Variants in WARS2 observed in about 807,000 individuals in gnomAD.
WARS2 encodes the protein tryptophan--tRNA ligase, mitochondrial.
In WARS2, 28 loss-of-function variants were observed where a neutral mutation model predicts 36.5. The ratio of observed to expected loss-of-function variants is 0.77; its 90% confidence interval spans 0.57 to 1.05. The LOEUF (loss-of-function observed/expected upper bound fraction) is 1.05. Among genes scored for constraint, WARS2 ranks in the 50% least tolerant of loss-of-function variants. The probability of loss-of-function intolerance (pLI) is 0.00; values close to 1 mark genes in which losing one functional copy is unlikely to be tolerated. For missense variants in WARS2, 435 were observed against 456.8 expected, an observed-to-expected ratio of 0.95 and a Z score of 0.44; for synonymous variants, 174 against 178.4, an observed-to-expected ratio of 0.98 and a Z score of 0.20.
intron 1 of WARS2, among the ~76,000 whole-genome samples, chr1:119,086,935 A>G (rs1165278049): frequency 6.6e-6 from 1 of 151,472 alleles, no homozygotes; most frequent in Non-Finnish European, 1.5e-5. Context: ...ATGCCCTTTC[A>G]CCTCTTTTCT....
chr1:119,124,190 A>G (rs981157965), intron 1 of WARS2, among the ~76,000 whole-genome samples: 20 of 152,120 alleles, frequency 1.3e-4, no homozygotes, highest in Admixed American at 1.2e-3. Context: ...TATTTGCTCT[A>G]CCTTTAAAAT....
chr1:119,065,873 G>A (rs919563127), intron 2 of WARS2, among the ~76,000 whole-genome samples: 1 of 152,114 alleles, frequency 6.6e-6, no homozygotes, highest in Non-Finnish European at 1.5e-5. Context: ...GCGTTAGACA[G>A]CTTCCAATAT....
intron 1 of WARS2, among the ~76,000 whole-genome samples, chr1:119,106,808 G>A (rs1347398436): frequency 2.0e-5 from 3 of 152,180 alleles, no homozygotes; most frequent in Non-Finnish European, 4.4e-5. Flanking sequence ...GTTTTCAATT[G>A]ATTTTGGTGA....
chr1:119,113,629 A>T (rs2101510480), intron 1 of WARS2, among the ~76,000 whole-genome samples: 1 of 152,244 alleles, frequency 6.6e-6, no homozygotes, highest in South Asian at 2.1e-4. Context: ...GAAGATAAGG[A>T]GGTCACCATC....
intron 1 of WARS2, among the ~76,000 whole-genome samples, chr1:119,129,571 G>A (rs1026514893): frequency 3.9e-5 from 6 of 152,160 alleles, no homozygotes; most frequent in Admixed American, 2.6e-4. Flanking sequence ...TCAGCCAAAT[G>A]TGGTGGTTTG....
At chr1:119,135,973 T>C (rs1571413851) in intron 1 of WARS2, among the ~76,000 whole-genome samples, 1 of 152,204 alleles carries the variant, frequency 6.6e-6, no homozygotes. Flanking sequence ...GGTCTCACTA[T>C]GTTGCCCAGG....
intron 1 of WARS2, among the ~76,000 whole-genome samples, chr1:119,134,939 G>C (rs1656381884): frequency 1.3e-5 from 2 of 152,180 alleles, no homozygotes; most frequent in African/African-American, 4.8e-5. Context: ...TTACAACAGT[G>C]ACAGACTGAA....
At chr1:119,103,702 A>G (rs941878705) in intron 1 of WARS2, among the ~76,000 whole-genome samples, 1 of 151,848 alleles carries the variant, frequency 6.6e-6, no homozygotes, top group African/African-American at 2.4e-5. Flanking sequence ...AAGGTAAAAA[A>G]TTTGTTCTTC....
chr1:119,053,153 C>T (rs1649505611), intron 2 of WARS2, among the ~76,000 whole-genome samples: 1 of 152,144 alleles, frequency 6.6e-6, no homozygotes, highest in Non-Finnish European at 1.5e-5. Context: ...TGGACTCTTT[C>T]TGTTCCACCC....
At chr1:119,120,721 G>T (rs1413796385) in intron 1 of WARS2, among the ~76,000 whole-genome samples, 1 of 152,116 alleles carries the variant, frequency 6.6e-6, no homozygotes, top group African/African-American at 2.4e-5. Flanking sequence ...TACCAGGGAT[G>T]CAGGGTTGGT....
At chr1:119,088,417 C>A (rs931490812) in intron 1 of WARS2, among the ~76,000 whole-genome samples, 7 of 148,034 alleles carry the variant, frequency 4.7e-5, no homozygotes, top group Middle Eastern at 3.4e-3. Flanking sequence ...AAGCTGCCAA[C>A]CTGCTAGGAA....
intron 2 of WARS2, among the ~76,000 whole-genome samples, chr1:119,067,811 A>ATT (rs57828460): frequency 0.056 from 8,167 of 146,432 alleles, 408 homozygotes; most frequent in East Asian, 0.2. Context: ...CAAAGCCTCT[A>ATT]TTTTTTTTTT....
chr1:119,132,956 A>G (rs1436706762), intron 1 of WARS2, among the ~76,000 whole-genome samples: 1 of 152,154 alleles, frequency 6.6e-6, no homozygotes, highest in Non-Finnish European at 1.5e-5. Flanking sequence ...CCACCTTCTG[A>G]CTGTACTTCT....
At chr1:119,114,668 C>T (rs1461713347) in intron 1 of WARS2, among the ~76,000 whole-genome samples, 1 of 152,140 alleles carries the variant, frequency 6.6e-6, no homozygotes, top group Non-Finnish European at 1.5e-5. Flanking sequence ...TTACTGTCCA[C>T]AAGAAAAGTA....
chr1:119,118,944 AAAC>A, intron 1 of WARS2, among the ~76,000 whole-genome samples: 1 of 152,260 alleles, frequency 6.6e-6, no homozygotes, highest in Non-Finnish European at 1.5e-5. Flanking sequence ...ATAAATCTTG[AAAC>A]AAAACCCCAA....
At chr1:119,084,935 C>A in intron 1 of WARS2, 1 of 370,676 alleles carries the variant, frequency 2.7e-6, no homozygotes. Flanking sequence ...AACAATCCAA[C>A]TGAATTTGAC....
rs964436056 is a variant in WARS2, at chr1:119,130,345, A to G, written c.90+10210T>C. On this transcript the variant is annotated intron_variant, in intron 1 of 5. Transcript: ENST00000235521. Reference sequence around the variant, plus strand: ...TTTCATCTCAATCTTGAGTATGTCTACACTTTTCTATATACAGATGTAACA... The same window carrying G: ...TTTCATCTCAATCTTGAGTATGTCTGCACTTTTCTATATACAGATGTAACA... Among the ~76,000 whole-genome samples, 7 of 152,334 alleles carry G rather than the reference A, an allele frequency of 4.6e-5. No individual in the cohort carries two copies. In the East Asian group the frequency reaches 1.3e-3, roughly 29 times the overall value.
At chr1:119,129,769 G>A (rs1298236544) in intron 1 of WARS2, among the ~76,000 whole-genome samples, 1 of 151,858 alleles carries the variant, frequency 6.6e-6, no homozygotes, top group Non-Finnish European at 1.5e-5. Context: ...CTCTCTAACA[G>A]ATATGATATA....
intron 1 of WARS2, among the ~76,000 whole-genome samples, chr1:119,105,757 C>T (rs1571365408): frequency 6.6e-6 from 1 of 152,190 alleles, no homozygotes; most frequent in East Asian, 1.9e-4. Flanking sequence ...ACTAAAAATA[C>T]AAAAATTAGC....
Sources: allele counts gnomAD v4.1 joint callset (sites outside exome capture counted in the v4.1 genomes callset), GRCh38; gene constraint gnomAD v4.1.1; transcripts MANE v1.5; gene names NCBI Gene and HGNC (gene_info 2026-07-23, HGNC 2026-07-21).